SAMMSON: variants seen among roughly 807,000 people sequenced by gnomAD.
SAMMSON encodes long intergenic non-protein coding RNA 1212.
chr3:70,267,578 ATTTTTT>A (rs377637066), intron 6 of SAMMSON, among the ~76,000 whole-genome samples: 2 of 132,774 alleles, frequency 1.5e-5, no homozygotes, highest in East Asian at 4.6e-4. Flanking sequence ...AATTTTTTGT[ATTTTTT>A]TTTTTTTTTT....
intron 4 of SAMMSON, among the ~76,000 whole-genome samples, chr3:70,173,976 G>A (rs143110014): frequency 4.9e-4 from 74 of 151,990 alleles, no homozygotes; most frequent in Middle Eastern, 3.4e-3. Flanking sequence ...TGGCTGATTA[G>A]CAACAAGCAA....
At chr3:70,023,009 T>G (rs2067022002) in intron 3 of SAMMSON, among the ~76,000 whole-genome samples, 1 of 152,176 alleles carries the variant, frequency 6.6e-6, no homozygotes, top group South Asian at 2.1e-4. Context: ...AATTTTCCTA[T>G]TAATACAGTA....
chr3:70,273,955 C>T (rs554647103), intron 6 of SAMMSON, among the ~76,000 whole-genome samples: 2 of 152,116 alleles, frequency 1.3e-5, no homozygotes, highest in African/African-American at 4.8e-5. Flanking sequence ...CAGCACTGCA[C>T]CCGGCCCAGA....
chr3:70,243,737 G>A (rs2106643658), intron 4 of SAMMSON, among the ~76,000 whole-genome samples: 1 of 152,196 alleles, frequency 6.6e-6, no homozygotes, highest in Non-Finnish European at 1.5e-5. Context: ...GGGCATCACT[G>A]ATCTAAAGCA....
rs553598625 is a variant in SAMMSON, at chr3:70,020,211, G to A, written n.417+6539G>A. On this transcript the variant is annotated intron_variant and non_coding_transcript_variant, in intron 3 of 9. Coordinates refer to ENST00000642114, the Ensembl canonical transcript of SAMMSON. ...AAGAGTACTAAATATGGATCTAAAAGTCATGTTTATTCCCTTTTATTCTTT... is the reference window on the plus strand; with the variant it reads ...AAGAGTACTAAATATGGATCTAAAAATCATGTTTATTCCCTTTTATTCTTT... Among the ~76,000 whole-genome samples, 6 of 152,152 alleles carry A rather than the reference G, an allele frequency of 3.9e-5. 1 individual carries two copies. The South Asian group carries it at 1.2e-3, about 32-fold the overall frequency.
intron 9 of SAMMSON, among the ~76,000 whole-genome samples, chr3:70,383,859 A>G (rs554267702): frequency 1.3e-5 from 2 of 152,154 alleles, no homozygotes; most frequent in Admixed American, 6.6e-5. Context: ...CATCTGCCCT[A>G]CAGTATTGCA....
chr3:70,057,612 A>G (rs914663349), intron 3 of SAMMSON, among the ~76,000 whole-genome samples: 1 of 151,996 alleles, frequency 6.6e-6, no homozygotes, highest in Non-Finnish European at 1.5e-5. Context: ...ACACATTCGT[A>G]TAAATGCCAA....
intron 2 of SAMMSON, among the ~76,000 whole-genome samples, chr3:70,426,396 TA>T (rs2106777246): frequency 6.6e-6 from 1 of 152,316 alleles, no homozygotes; most frequent in Admixed American, 6.5e-5. Flanking sequence ...CTATAAACAC[TA>T]AATCATTTTG....
chr3:70,242,616 GT>G (rs1233141169), intron 4 of SAMMSON, among the ~76,000 whole-genome samples: 3 of 152,044 alleles, frequency 2.0e-5, no homozygotes, highest in Non-Finnish European at 4.4e-5. Context: ...CTGTTAAATG[GT>G]TTCCATTTTA....
chr3:70,127,445 C>G (rs1009330098), intron 4 of SAMMSON, among the ~76,000 whole-genome samples: 1 of 152,142 alleles, frequency 6.6e-6, no homozygotes, highest in Non-Finnish European at 1.5e-5. Flanking sequence ...TTTTCATTCT[C>G]CACACCTAAA....
intron 6 of SAMMSON, among the ~76,000 whole-genome samples, chr3:70,286,718 A>G (rs1327072926): frequency 1.3e-5 from 2 of 151,956 alleles, no homozygotes; most frequent in African/African-American, 4.8e-5. Flanking sequence ...ATTTCTTTTT[A>G]TCCTCTTTTA....
intron 4 of SAMMSON, among the ~76,000 whole-genome samples, chr3:70,244,730 C>T (rs972195659): frequency 6.6e-6 from 1 of 152,152 alleles, no homozygotes; most frequent in Non-Finnish European, 1.5e-5. Context: ...TCATTATGCT[C>T]TTATGAATAA....
chr3:70,055,524 AT>A (rs1396621897), intron 3 of SAMMSON, among the ~76,000 whole-genome samples: 2 of 152,094 alleles, frequency 1.3e-5, no homozygotes, highest in African/African-American at 2.4e-5. Context: ...TACTTTGTAC[AT>A]TTTTAAACCT....
chr3:70,290,435 G>A (rs867525816), intron 6 of SAMMSON, among the ~76,000 whole-genome samples: 13 of 152,182 alleles, frequency 8.5e-5, no homozygotes, highest in African/African-American at 2.2e-4. Context: ...CTCCAGCTGC[G>A]TACTGGGAGA....
chr3:70,035,603 A>G (rs1230142603), intron 3 of SAMMSON, among the ~76,000 whole-genome samples: 1 of 152,202 alleles, frequency 6.6e-6, no homozygotes, highest in Non-Finnish European at 1.5e-5. Context: ...CCTACTGACT[A>G]GACCATCACA....
intron 4 of SAMMSON, among the ~76,000 whole-genome samples, chr3:70,083,193 A>G (rs922103749): frequency 5.3e-5 from 8 of 152,170 alleles, no homozygotes; most frequent in African/African-American, 1.9e-4. Context: ...TATTGTGATC[A>G]TTTGCCAGAA....
intron 4 of SAMMSON, among the ~76,000 whole-genome samples, chr3:70,214,417 G>A (rs1165904832): frequency 6.6e-6 from 1 of 151,900 alleles, no homozygotes; most frequent in Non-Finnish European, 1.5e-5. Context: ...AATCAGGCTT[G>A]GTAAATCTTT....
At chr3:70,127,576 G>A (rs1441623343) in intron 4 of SAMMSON, 3 of 152,144 alleles carry the variant, frequency 2.0e-5, no homozygotes, top group African/African-American at 7.2e-5. Flanking sequence ...GAAGCTACTA[G>A]GATTGATCAG....
chr3:70,010,429 A>T (rs963756147), intron 1 of SAMMSON, among the ~76,000 whole-genome samples: 1 of 152,046 alleles, frequency 6.6e-6, no homozygotes, highest in African/African-American at 2.4e-5. Flanking sequence ...TTGTTGGTTT[A>T]AAGTCTGTTT....
Sources: allele counts gnomAD v4.1 joint callset (sites outside exome capture counted in the v4.1 genomes callset), GRCh38; gene constraint gnomAD v4.1.1; transcripts MANE v1.5; gene names NCBI Gene and HGNC (gene_info 2026-07-23, HGNC 2026-07-21).